The following KDM2A variants were observed in gnomAD, a reference collection of about 807,000 sequenced individuals.
KDM2A encodes the protein lysine-specific demethylase 2A.
KDM2A carries 3 observed loss-of-function variants against 137.3 expected under a neutral mutation model. The ratio of observed to expected loss-of-function variants is 0.02; its 90% CI spans 0.01 to 0.06. The LOEUF is 0.06. Among genes scored for constraint, KDM2A ranks in the 10% least tolerant of loss-of-function variants. The pLI is 1.00. For missense variants in KDM2A, 738 were observed against 1,510.6 expected (o/e 0.49, Z 8.48); for synonymous variants, 512 against 541.5 (o/e 0.95, Z 0.76).
chr11:67,242,676 A>G (rs1283327865), intron 12 of KDM2A, among the ~76,000 whole-genome samples: 1 of 152,022 alleles, frequency 6.6e-6, no homozygotes, highest in East Asian at 1.9e-4. Flanking sequence ...CACCACCACC[A>G]TCCGCCCCCA....
chr11:67,124,751 G>A (rs909471460), intron 2 of KDM2A, among the ~76,000 whole-genome samples: 3 of 149,756 alleles, frequency 2.0e-5, no homozygotes, highest in Admixed American at 1.3e-4. Flanking sequence ...GGTACTTGTT[G>A]CATACATTAA....
chr11:67,221,124 G>A (rs949290563), intron 10 of KDM2A, among the ~76,000 whole-genome samples: 3 of 152,072 alleles, frequency 2.0e-5, no homozygotes, highest in Non-Finnish European at 4.4e-5. Context: ...CTCCACCTTA[G>A]AGAATGAGAG....
intron 2 of KDM2A, among the ~76,000 whole-genome samples, chr11:67,171,775 C>T (rs1856886981): frequency 6.6e-6 from 1 of 152,178 alleles, no homozygotes; most frequent in Non-Finnish European, 1.5e-5. Flanking sequence ...GCCTTGGCCT[C>T]CCAGAGTGCT....
intron 5 of KDM2A, chr11:67,195,678 C>T (rs924499471): frequency 1.8e-5 from 3 of 165,702 alleles, no homozygotes; most frequent in African/African-American, 7.2e-5. Flanking sequence ...GTCTGTATAA[C>T]CTTGGGTTTT....
At chr11:67,180,962 CT>C (rs374121079) in intron 3 of KDM2A, among the ~76,000 whole-genome samples, 6,356 of 137,846 alleles carry the variant, frequency 0.046, 140 homozygotes, top group Non-Finnish European at 0.064. Context: ...ACACCTGGCC[CT>C]TTTTTTTTTT....
In KDM2A at chr11:67,215,031, A is replaced by G. The variant is rs181696467; in HGVS notation, c.487-309A>G. Among the ~76,000 whole-genome samples the G allele has an allele frequency of 7.9e-5, 12 of 152,308 alleles. No homozygotes were observed. The East Asian group carries it at 2.3e-3, about 29-fold the overall frequency. Reference sequence around the variant, plus strand: ...TGGATTAAAAAATAAAACAAATTATATAAGTATTGACATAGAAGAGAGTTC... The same window carrying G: ...TGGATTAAAAAATAAAACAAATTATGTAAGTATTGACATAGAAGAGAGTTC... On this transcript the variant is annotated intron_variant, in intron 6 of 20. Transcript: ENST00000529006.
intron 6 of KDM2A, 114 bp downstream of exon 6, chr11:67,207,802 A>G: frequency 1.3e-6 from 1 of 788,612 alleles, no homozygotes; most frequent in Non-Finnish European, 1.9e-6. Flanking sequence ...AGGGAGGCAG[A>G]TCGCTTGAGC....
chr11:67,222,144 G>C (rs1404813397), intron 10 of KDM2A, among the ~76,000 whole-genome samples: 4 of 116,326 alleles, frequency 3.4e-5, no homozygotes, highest in African/African-American at 6.6e-5. Flanking sequence ...AGGGTCATGG[G>C]ACAATAGTGG....
In KDM2A at chr11:67,201,498, C is replaced by T. The variant is rs77556508; in HGVS notation, c.308-6012C>T. On this transcript the variant is annotated intron_variant, in intron 5 of 20. Coordinates refer to ENST00000529006, the MANE Select transcript of KDM2A (RefSeq NM_012308.3). ...ACAAAAAATTAGCCATGGCCCGGTG[C>T]GGTGGCTCACGCCTGTAATCCTAGC... Among the ~76,000 whole-genome samples the T allele has an allele frequency of 4.2e-3, 640 of 151,736 alleles. 35 individuals carry two copies. In the East Asian group the frequency reaches 0.1, roughly 25 times the overall value.
At chr11:67,132,359 C>G (rs757706599) in intron 2 of KDM2A, among the ~76,000 whole-genome samples, 5 of 152,254 alleles carry the variant, frequency 3.3e-5, no homozygotes, top group Admixed American at 6.5e-5. Flanking sequence ...TCTCGGCTCA[C>G]TGTAACCTAC....
chr11:67,257,532 C>T lies in KDM2A; in HGVS notation c.*2477C>T, dbSNP rs984435453. 3.3e-5 allele frequency: 5 copies of T among 152,392 alleles called. No individual in the cohort carries two copies. The highest frequency in any genetic ancestry group is 6.6e-5 in the Admixed American group (1 of 15,254). 9.4% of individuals were successfully genotyped at this position (152,392 alleles called of 1,614,324 possible). On this transcript the variant is annotated 3_prime_UTR_variant, in exon 21 of 21. Coordinates refer to ENST00000529006, the MANE Select transcript of KDM2A (RefSeq NM_012308.3). ...GCCCTCAGACTGCAGGACCAGAACCCCTGCCTCCATCTTTCCAAGCACCGG... is the reference window on the plus strand; with the variant it reads ...GCCCTCAGACTGCAGGACCAGAACCTCTGCCTCCATCTTTCCAAGCACCGG...
At chr11:67,154,337 A>G (rs1856468155) in intron 2 of KDM2A, among the ~76,000 whole-genome samples, 2 of 152,236 alleles carry the variant, frequency 1.3e-5, no homozygotes, top group Admixed American at 1.3e-4. Context: ...TTAGAAGTGC[A>G]CAATTCAGTG....
At chr11:67,186,631 T>C (rs377023978) in intron 5 of KDM2A, among the ~76,000 whole-genome samples, 1 of 152,240 alleles carries the variant, frequency 6.6e-6, no homozygotes, top group East Asian at 1.9e-4. Flanking sequence ...ACAATGGCTT[T>C]TAACTCCTTT....
At chr11:67,241,550 T>G (rs539959265) in intron 12 of KDM2A, among the ~76,000 whole-genome samples, 17 of 152,216 alleles carry the variant, frequency 1.1e-4, no homozygotes, top group African/African-American at 4.1e-4. Flanking sequence ...TGAGAAAAAT[T>G]ATTAGCAATG....
At chr11:67,229,330 T>A (rs1858640427) in intron 11 of KDM2A, among the ~76,000 whole-genome samples, 1 of 152,216 alleles carries the variant, frequency 6.6e-6, no homozygotes, top group African/African-American at 2.4e-5. Context: ...ACTCTGCAGT[T>A]TATGCTCTTT....
At chr11:67,213,810 G>A (rs1347074576) in intron 6 of KDM2A, among the ~76,000 whole-genome samples, 1 of 150,796 alleles carries the variant, frequency 6.6e-6, no homozygotes, top group African/African-American at 2.4e-5. Flanking sequence ...GATTTTAAAA[G>A]TGTTTACATT....
intron 2 of KDM2A, among the ~76,000 whole-genome samples, chr11:67,163,816 A>T (rs4385901): frequency 1.3e-5 from 2 of 151,504 alleles, no homozygotes; most frequent in East Asian, 3.9e-4. Context: ...AGATAGCACC[A>T]CTGTACTCCA....
chr11:67,235,154 AAAAAAAG>A (rs1032165267), intron 12 of KDM2A, among the ~76,000 whole-genome samples: 1 of 151,632 alleles, frequency 6.6e-6, no homozygotes, highest in African/African-American at 2.4e-5. Context: ...CAAAAAAAAA[AAAAAAAG>A]AAAAAAGAAA....
chr11:67,136,351 A>T (rs754544829), intron 2 of KDM2A, among the ~76,000 whole-genome samples: 2 of 152,220 alleles, frequency 1.3e-5, no homozygotes, highest in African/African-American at 4.8e-5. Context: ...TACTTAAGTT[A>T]TACTGCCTCT....
Sources: allele counts gnomAD v4.1 joint callset (sites outside exome capture counted in the v4.1 genomes callset), GRCh38; gene constraint gnomAD v4.1.1; transcripts MANE v1.5; gene names NCBI Gene and HGNC (gene_info 2026-07-23, HGNC 2026-07-21).